ITGB2: variants seen among roughly 807,000 people sequenced by gnomAD.
The protein encoded by ITGB2 is integrin beta-2.
ITGB2 carries 56 observed loss-of-function variants against 86.8 expected under a neutral mutation model. The ratio of observed to expected loss-of-function variants is 0.65; its 90% CI spans 0.52 to 0.81. The LOEUF (loss-of-function observed/expected upper bound fraction) is 0.81, where lower values mean the gene tolerates loss of function less well. Ranked by LOEUF, ITGB2 falls within the 30% of genes least tolerant of loss-of-function variation. The pLI is 0.00. For synonymous variants in ITGB2, 457 were observed against 450.4 expected (o/e 1.01, Z -0.19); for missense variants, 948 against 1,061.2 (o/e 0.89, Z 1.48).
At chr21:44,905,884 G>C (rs1484147488) in intron 4 of ITGB2, among the ~76,000 whole-genome samples, 1 of 152,148 alleles carries the variant, frequency 6.6e-6, no homozygotes, top group Non-Finnish European at 1.5e-5. Context: ...GGCTAACTCA[G>C]TGGCCGCTGA....
At chr21:44,894,564 G>A in intron 9 of ITGB2, 1 of 331,232 alleles carries the variant, frequency 3.0e-6, no homozygotes, top group East Asian at 7.6e-5. Flanking sequence ...CAGGTGAACA[G>A]AGCAAGAGGA....
chr21:44,897,001 C>A (rs1237703320), intron 8 of ITGB2, among the ~76,000 whole-genome samples: 1 of 152,198 alleles, frequency 6.6e-6, no homozygotes, highest in Non-Finnish European at 1.5e-5. Context: ...GACATCCTGA[C>A]CAGCAGGTGG....
chr21:44,905,339 A>G (rs2084027168), intron 4 of ITGB2, among the ~76,000 whole-genome samples: 1 of 151,972 alleles, frequency 6.6e-6, no homozygotes, highest in African/African-American at 2.4e-5. Flanking sequence ...ACCCGAGCTC[A>G]CCTGTGCCCT....
intron 6 of ITGB2, 137 bp from the exon 7 acceptor site, chr21:44,900,612 G>T: frequency 1.9e-6 from 2 of 1,062,840 alleles, no homozygotes; most frequent in Non-Finnish European, 2.7e-6. Context: ...GGGTCTCAGG[G>T]ACCCAGCTGT....
intron 3 of ITGB2, among the ~76,000 whole-genome samples, chr21:44,908,799 G>A (rs2084084497): frequency 6.6e-6 from 1 of 152,148 alleles, no homozygotes. Flanking sequence ...TCCAGGCTGG[G>A]GCAAGGGACA....
chr21:44,895,085 G>A (rs1165728820), intron 8 of ITGB2, 25 bp from the exon 9 acceptor site: 2 of 1,551,926 alleles, frequency 1.3e-6, no homozygotes, highest in Non-Finnish European at 1.8e-6. Flanking sequence ...GACCAGACAT[G>A]GCACGGCTAG....
At chr21:44,903,864 C>T (rs932884372) in intron 4 of ITGB2, among the ~76,000 whole-genome samples, 1 of 152,142 alleles carries the variant, frequency 6.6e-6, no homozygotes, top group Non-Finnish European at 1.5e-5. Context: ...TGGGCTCACA[C>T]CTAACCCGGC....
rs375907746 is a variant in ITGB2 at position 44,910,308 on chromosome 21, G to A, written c.123C>T (p.Pro41=). ...CCAGCTTCTGGCACCAGGTGCAGCC[G>A]GGCCCCGACTCGATGCATTCCCGGC... ...SSCRECIESG[P]GCTWCQKLNF... Residue 41 remains proline (P), a synonymous_variant, in exon 3 of 16, where the codon CCC becomes CCT. Transcript: ENST00000652462. 263 of 1,614,104 alleles carry A rather than the reference G, an allele frequency of 1.6e-4. No homozygotes were observed. In the East Asian group the frequency reaches 4.0e-3, roughly 25 times the overall value.
chr21:44,928,573 T>C (rs916966308), intron 1 of ITGB2: 4 of 150,832 alleles, frequency 2.7e-5, no homozygotes, highest in Non-Finnish European at 5.9e-5. Flanking sequence ...CCCACCCCCA[T>C]GAAGGCCAAC....
Position 44,895,023 on chromosome 21 carries a change from T to TC in ITGB2, c.1030dup (p.Glu344GlyfsTer4), listed in dbSNP as rs1265749759. 6.2e-7 allele frequency: 1 copy of TC among 1,612,490 alleles called. No homozygotes were observed. The highest frequency in any genetic ancestry group is 8.5e-7 in the Non-Finnish European group (1 of 1,179,542). ...CACATTGCTGGAGTCCTCAGACAGC[T>TC]CCCCCACGGCTGACTTGGGGATGAT... On this transcript the variant is annotated frameshift_variant, in exon 9 of 16. Coordinates refer to ENST00000652462, the MANE Select transcript of ITGB2 (RefSeq NM_000211.5). LOFTEE classifies it high-confidence loss of function.
intron 1 of ITGB2, chr21:44,914,161 A>T (rs12626729): frequency 0.39 from 60,002 of 152,322 alleles, 12,382 homozygotes; most frequent in Admixed American, 0.54. Context: ...AGCTCTGGAC[A>T]TCCCCCATCT....
Position 44,886,433 on chromosome 21 carries a change from G to A in ITGB2, c.2248-3C>T. On this transcript the variant is annotated splice_region_variant and splice_polypyrimidine_tract_variant and intron_variant, in intron 15 of 15. Coordinates refer to ENST00000652462, the MANE Select transcript of ITGB2 (RefSeq NM_000211.5). ...GCGCTCTTGAAAAGGGGATTATCCT[G>A]GTGGGAAATGCAAACAGGGGCTTGT... The A allele has an allele frequency of 6.2e-7, 1 of 1,614,032 alleles. No homozygotes were observed. Among genetic ancestry groups the A allele is most frequent in the Non-Finnish European group, 8.5e-7 (1 of 1,179,898 alleles).
intron 13 of ITGB2, 175 bp downstream of exon 13, chr21:44,889,101 G>C: frequency 1.4e-6 from 1 of 704,088 alleles, no homozygotes; most frequent in Non-Finnish European, 2.4e-6. Context: ...GCGCACAGGA[G>C]GGAGGAGGGA....
rs1286261544 is a variant in ITGB2, at chr21:44,903,611, C to T, written c.329-76G>A. 1.3e-5 allele frequency: 20 copies of T among 1,564,764 alleles called. No homozygotes were observed. The Admixed American group carries it at 1.6e-4, about 12-fold the overall frequency. ...GTGTCTGGGGGCGTGTGGCCCCGAG[C>T]GGGCTGTGCACTGGCACCCTCTCCT... On this transcript the variant is annotated intron_variant, in intron 4 of 15. Coordinates refer to ENST00000652462, the MANE Select transcript of ITGB2 (RefSeq NM_000211.5).
chr21:44,908,809 A>C (rs2084084605), intron 3 of ITGB2, among the ~76,000 whole-genome samples: 1 of 152,238 alleles, frequency 6.6e-6, no homozygotes, highest in Admixed American at 6.5e-5. Flanking sequence ...GGCAAGGGAC[A>C]TGGAGATGGG....
chr21:44,908,898 C>T (rs1239619447), intron 3 of ITGB2, among the ~76,000 whole-genome samples: 1 of 152,162 alleles, frequency 6.6e-6, no homozygotes, highest in Non-Finnish European at 1.5e-5. Flanking sequence ...GGACACGCAG[C>T]CAGACCCAGC....
rs186881299 is a variant in ITGB2 at position 44,900,915 on chromosome 21, G to A, written c.742-440C>T. 8.3e-4 allele frequency among the ~76,000 whole-genome samples: 126 copies of A among 152,348 alleles called. 3 individuals are homozygous for A. The East Asian group carries it at 0.023, about 28-fold the overall frequency. On this transcript the variant is annotated intron_variant, in intron 6 of 15. Transcript: ENST00000652462. ...CCCCTGGCAGGCGCATGTGGGGGCC[G>A]TGCGTGTCCTAGGCTGTGACCTCAC...
At chr21:44,926,484 T>A (rs776228214) in intron 1 of ITGB2, among the ~76,000 whole-genome samples, 2 of 152,172 alleles carry the variant, frequency 1.3e-5, no homozygotes, top group African/African-American at 2.4e-5. Context: ...GAAGGAAATG[T>A]AGCAGCACCG....
At chr21:44,918,084 A>T (rs954312854) in intron 1 of ITGB2, among the ~76,000 whole-genome samples, 2 of 152,224 alleles carry the variant, frequency 1.3e-5, no homozygotes, top group Non-Finnish European at 2.9e-5. Context: ...TGGGGTGGGT[A>T]TCACCCACAG....
Sources: gnomAD v4.1 joint callset for allele counts (sites outside exome capture counted in the v4.1 genomes callset) on GRCh38, gnomAD v4.1.1 for gene constraint, MANE v1.5 for transcripts, NCBI Gene and HGNC (gene_info 2026-07-23, HGNC 2026-07-21) for gene names.